Variants in ZC4H2 observed in about 807,000 individuals in gnomAD.
ZC4H2 encodes zinc finger C4H2-type containing, also known as zinc finger C4H2 domain-containing protein.
For missense variants in ZC4H2, 137 were observed against 173.9 expected (o/e 0.79, Z 1.19); for synonymous variants, 84 against 66.3 (o/e 1.27, Z -1.30).
At chrX:64,996,983 T>C (rs1384686405) in intron 1 of ZC4H2, among the ~76,000 whole-genome samples, 1 of 112,246 alleles carries the variant, frequency 8.9e-6, no homozygotes, top group Non-Finnish European at 1.9e-5. Flanking sequence ...CATGATTCTA[T>C]ACATCCCATA....
intron 1 of ZC4H2, among the ~76,000 whole-genome samples, chrX:64,934,981 G>A (rs1215226135): frequency 1.8e-5 from 2 of 109,615 alleles, no homozygotes; most frequent in Admixed American, 1.9e-4. Context: ...AGAAAAAAAT[G>A]TTCACTCCCC....
At chrX:65,008,081 C>A (rs1333308638) in intron 1 of ZC4H2, among the ~76,000 whole-genome samples, 1 of 111,196 alleles carries the variant, frequency 9.0e-6, no homozygotes, top group Non-Finnish European at 1.9e-5. Flanking sequence ...GGATTAATAA[C>A]CAGAATACGT....
At chrX:64,951,333 G>A (rs1930817722) in intron 1 of ZC4H2, among the ~76,000 whole-genome samples, 1 of 111,775 alleles carries the variant, frequency 8.9e-6, no homozygotes, top group Non-Finnish European at 1.9e-5. Context: ...GGATGGCTGG[G>A]TCAAATGGTA....
chrX:64,918,684 A>T (rs1736647508), intron 4 of ZC4H2: 1 of 147,192 alleles, frequency 6.8e-6, no homozygotes, highest in African/African-American at 3.1e-5. Context: ...TCTTGACTAT[A>T]TAGATATTTG....
upstream of ZC4H2, among the ~76,000 whole-genome samples, chrX:64,980,812 G>A (rs1410605485): frequency 2.7e-5 from 3 of 110,587 alleles, no homozygotes; most frequent in African/African-American, 9.9e-5. Context: ...CAAGATCCCA[G>A]TTCTTAGGAA....
At chrX:64,989,074 G>C (rs1370437393) in intron 1 of ZC4H2, among the ~76,000 whole-genome samples, 3 of 111,670 alleles carry the variant, frequency 2.7e-5, no homozygotes, top group African/African-American at 6.5e-5. Flanking sequence ...TTCCATTGAT[G>C]TATATCTCTG....
intron 1 of ZC4H2, among the ~76,000 whole-genome samples, chrX:64,943,481 T>G (rs1255649701): frequency 8.9e-6 from 1 of 111,856 alleles, no homozygotes; most frequent in Non-Finnish European, 1.9e-5. Context: ...TCTTTGTAGC[T>G]CTCTAAGAAC....
chrX:64,945,769 C>T (rs766241768), intron 1 of ZC4H2, among the ~76,000 whole-genome samples: 2 of 111,233 alleles, frequency 1.8e-5, no homozygotes, highest in East Asian at 2.8e-4. Context: ...TTTCCCGAGA[C>T]GCCCTGCCCA....
At chrX:64,933,239 C>T (rs1929836655) in intron 1 of ZC4H2, among the ~76,000 whole-genome samples, 1 of 111,055 alleles carries the variant, frequency 9.0e-6, no homozygotes, top group African/African-American at 3.3e-5. Flanking sequence ...GATATCTATT[C>T]CTCTGAAAAA....
At chrX:65,026,830 C>T (rs1302973831) in intron 1 of ZC4H2, among the ~76,000 whole-genome samples, 1 of 112,231 alleles carries the variant, frequency 8.9e-6, no homozygotes, top group Non-Finnish European at 1.9e-5. Flanking sequence ...GCTATCTGGA[C>T]ACTCTCCCTC....
chrX:64,952,754 T>C (rs1227479955), intron 1 of ZC4H2, among the ~76,000 whole-genome samples: 3 of 110,102 alleles, frequency 2.7e-5, no homozygotes, highest in Non-Finnish European at 5.7e-5. Context: ...CAAGGTAATT[T>C]ATAGATTCAA....
chrX:64,988,615 A>G (rs1932243580), intron 1 of ZC4H2, among the ~76,000 whole-genome samples: 1 of 109,392 alleles, frequency 9.1e-6, no homozygotes, highest in Admixed American at 9.7e-5. Context: ...AATTCATTGT[A>G]GATTCTGGAT....
chrX:64,998,541 A>C (rs758348196), intron 1 of ZC4H2, among the ~76,000 whole-genome samples: 4 of 111,946 alleles, frequency 3.6e-5, no homozygotes, highest in African/African-American at 1.3e-4. Context: ...TTTGTGGCCT[A>C]ACATATCATC....
chrX:64,975,518 T>C (rs1931919375), intron 1 of ZC4H2, among the ~76,000 whole-genome samples: 1 of 112,038 alleles, frequency 8.9e-6, no homozygotes, highest in Non-Finnish European at 1.9e-5. Flanking sequence ...GGGCTCACGC[T>C]GAGAAGGCGA....
chrX:64,937,267 G>T (rs1402541785), intron 1 of ZC4H2, among the ~76,000 whole-genome samples: 1 of 110,854 alleles, frequency 9.0e-6, no homozygotes, highest in Non-Finnish European at 1.9e-5. Flanking sequence ...CCCAATACAG[G>T]AACACCCAGA....
chrX:64,935,319 C>T (rs1304692181), intron 1 of ZC4H2, among the ~76,000 whole-genome samples: 4 of 111,888 alleles, frequency 3.6e-5, no homozygotes, highest in Non-Finnish European at 7.5e-5. Flanking sequence ...GGCAGGAGCC[C>T]CAGTCAGGGA....
At chrX:64,926,504 C>T (rs778294697) in intron 1 of ZC4H2, among the ~76,000 whole-genome samples, 1 of 111,882 alleles carries the variant, frequency 8.9e-6, no homozygotes, top group South Asian at 3.8e-4. Context: ...ACATGCCCAC[C>T]AGCAAAATAT....
intron 1 of ZC4H2, among the ~76,000 whole-genome samples, chrX:64,939,416 T>C (rs899881333): frequency 2.7e-5 from 3 of 112,072 alleles, no homozygotes; most frequent in African/African-American, 9.7e-5. Context: ...ATTGACTTTA[T>C]TCACAGAATT....
At chrX:65,001,739 T>G (rs1602447732) in intron 1 of ZC4H2, among the ~76,000 whole-genome samples, 3 of 111,335 alleles carry the variant, frequency 2.7e-5, no homozygotes, top group Middle Eastern at 4.6e-3. Flanking sequence ...AATAAAGAGA[T>G]GGAGGAATAT....
Sources: allele counts gnomAD v4.1 joint callset (sites outside exome capture counted in the v4.1 genomes callset), GRCh38; gene constraint gnomAD v4.1.1; transcripts MANE v1.5; gene names NCBI Gene and HGNC (gene_info 2026-07-23, HGNC 2026-07-21).